Variants in LRRC37A2 observed in about 807,000 individuals in gnomAD.
The protein encoded by LRRC37A2 is leucine rich repeat containing 37 member A2, also known as leucine-rich repeat-containing protein 37A2.
A neutral mutation model predicts 68.8 loss-of-function variants in LRRC37A2; 9 were observed. That is an observed-to-expected ratio of 0.13 (90% CI 0.08 to 0.23). The LOEUF (loss-of-function observed/expected upper bound fraction) is 0.23, where lower values mean the gene tolerates loss of function less well. Ranked by LOEUF, LRRC37A2 falls within the 10% of genes least tolerant of loss-of-function variation. The pLI is 1.00. For missense variants in LRRC37A2, 168 were observed against 950.4 expected, an observed-to-expected ratio of 0.18 and a Z score of 10.82; for synonymous variants, 63 against 367.6, an observed-to-expected ratio of 0.17 and a Z score of 9.48.
chr17:46,936,361 A>C, the LRRC37A2 span: 1 of 985,404 alleles, frequency 1.0e-6, no homozygotes, highest in Middle Eastern at 5.2e-4. Context: ...CTTCCCACTC[A>C]AGTCTGGCAG....
At chr17:46,923,121 A>G in the LRRC37A2 span, 2 of 1,092,700 alleles carry the variant, frequency 1.8e-6, no homozygotes, top group East Asian at 2.6e-5. Flanking sequence ...GAAGCCGGAA[A>G]CCGGAAGGGG....
the LRRC37A2 span, among the ~76,000 whole-genome samples, chr17:46,737,881 G>A: frequency 6.6e-6 from 1 of 151,558 alleles, no homozygotes; most frequent in Admixed American, 6.6e-5. Context: ...GAGAGAAGGT[G>A]AAGGATTTAT....
At chr17:46,891,636 G>A in the LRRC37A2 span, among the ~76,000 whole-genome samples, 1 of 152,168 alleles carries the variant, frequency 6.6e-6, no homozygotes, top group Non-Finnish European at 1.5e-5. Context: ...CGGAACACCA[G>A]GGAGAAAATT....
At chr17:46,954,681 T>A in the LRRC37A2 span, among the ~76,000 whole-genome samples, 1 of 152,228 alleles carries the variant, frequency 6.6e-6, no homozygotes, top group Non-Finnish European at 1.5e-5. Flanking sequence ...TTCCATTTGT[T>A]TGTGTCCTGT....
At chr17:46,872,404 G>C in the LRRC37A2 span, 2 of 1,362,344 alleles carry the variant, frequency 1.5e-6, no homozygotes, top group Non-Finnish European at 9.5e-7. Context: ...CAGCGGGTCA[G>C]CCTGCTGCCC....
At chr17:46,883,163 T>TAGTAGAGAC in the LRRC37A2 span, among the ~76,000 whole-genome samples, 2 of 151,870 alleles carry the variant, frequency 1.3e-5, no homozygotes, top group African/African-American at 2.4e-5. Context: ...TTTGTATTTT[T>TAGTAGAGAC]AGTAGAGACG....
chr17:46,927,732 C>G, the LRRC37A2 span, among the ~76,000 whole-genome samples: 1 of 152,150 alleles, frequency 6.6e-6, no homozygotes, highest in Non-Finnish European at 1.5e-5. Flanking sequence ...CTGTCTGCAC[C>G]TGCACTGCCG....
the LRRC37A2 span, chr17:47,024,579 G>C: frequency 7.3e-6 from 6 of 821,752 alleles, no homozygotes; most frequent in Non-Finnish European, 1.3e-5. Context: ...CCATCTTGAA[G>C]TGACCATGAC....
At chr17:46,516,370 C>G (rs1414060069) in intron 2 of LRRC37A2, among the ~76,000 whole-genome samples, 1 of 133,796 alleles carries the variant, frequency 7.5e-6, no homozygotes, top group East Asian at 2.2e-4. Flanking sequence ...TAATTAAGTA[C>G]TAAAAGATAA....
At chr17:46,909,948 C>T in the LRRC37A2 span, 1 of 152,480 alleles carries the variant, frequency 6.6e-6, no homozygotes, top group East Asian at 1.9e-4. Flanking sequence ...AGGCTGAAGG[C>T]AATCTAGCTG....
chr17:46,535,253 G>A (rs1452718240), intron 6 of LRRC37A2, among the ~76,000 whole-genome samples: 1 of 147,800 alleles, frequency 6.8e-6, no homozygotes, highest in South Asian at 2.1e-4. Context: ...CCTTGTATGT[G>A]ATGAGTTGCT....
the LRRC37A2 span, chr17:46,875,207 CTCT>C: frequency 6.2e-7 from 1 of 1,614,156 alleles, no homozygotes; most frequent in Non-Finnish European, 8.5e-7. Flanking sequence ...CCTGTGATGA[CTCT>C]CCGGGGCTGG....
At chr17:46,966,568 C>G in the LRRC37A2 span, 7 of 694,732 alleles carry the variant, frequency 1.0e-5, no homozygotes, top group East Asian at 8.2e-5. Flanking sequence ...AGAATGGACC[C>G]GAACTCCTGA....
chr17:47,035,376 G>A, the LRRC37A2 span, among the ~76,000 whole-genome samples: 1 of 152,138 alleles, frequency 6.6e-6, no homozygotes, highest in Admixed American at 6.5e-5. Flanking sequence ...GAGTCCCTAT[G>A]GATTTGCCTA....
chr17:46,541,939 G>A (rs1481124676), intron 8 of LRRC37A2, among the ~76,000 whole-genome samples: 4 of 143,640 alleles, frequency 2.8e-5, no homozygotes, highest in Admixed American at 2.1e-4. Flanking sequence ...TAGTATTCCG[G>A]TTGTGTGGAA....
chr17:46,930,932 G>T, the LRRC37A2 span: 4 of 616,204 alleles, frequency 6.5e-6, no homozygotes, highest in African/African-American at 1.9e-5. Context: ...CAACATTTAC[G>T]GCCTAACTTG....
At chr17:47,033,520 G>A in the LRRC37A2 span, 1 of 613,728 alleles carries the variant, frequency 1.6e-6, no homozygotes, top group East Asian at 2.7e-5. Flanking sequence ...ACAGCCTTGG[G>A]ATTCTAGCAT....
the LRRC37A2 span, among the ~76,000 whole-genome samples, chr17:46,790,129 C>A: frequency 6.6e-6 from 1 of 152,210 alleles, no homozygotes; most frequent in African/African-American, 2.4e-5. Flanking sequence ...ACATTTTCCT[C>A]TGCACCTCCT....
At chr17:46,621,453 A>AT in the LRRC37A2 span, among the ~76,000 whole-genome samples, 1 of 107,422 alleles carries the variant, frequency 9.3e-6, no homozygotes, top group Admixed American at 1.0e-4. Flanking sequence ...CGCCTGGCTA[A>AT]TTTTTTGTTA....
Sources: gnomAD v4.1 joint callset for allele counts (sites outside exome capture counted in the v4.1 genomes callset) on GRCh38, gnomAD v4.1.1 for gene constraint, MANE v1.5 for transcripts, NCBI Gene and HGNC (gene_info 2026-07-23, HGNC 2026-07-21) for gene names.